The following PRKG2 variants were observed in gnomAD, a reference collection of about 807,000 sequenced individuals.
PRKG2 encodes the protein protein kinase cGMP-dependent 2.
PRKG2 carries 33 observed loss-of-function variants against 97.2 expected under a neutral mutation model. The observed-to-expected ratio is 0.34, with a 90% CI of 0.26 to 0.45. The LOEUF (loss-of-function observed/expected upper bound fraction) is 0.45, where lower values mean the gene tolerates loss of function less well. PRKG2 is among the 20% of genes least tolerant of loss of function. PRKG2 has a pLI of 1.00. For synonymous variants in PRKG2, 330 were observed against 321.8 expected, an observed-to-expected ratio of 1.03 and a Z score of -0.27; for missense variants, 638 against 900.0, an observed-to-expected ratio of 0.71 and a Z score of 3.73.
chr4:81,202,382 C>T (rs955025928), intron 2 of PRKG2, among the ~76,000 whole-genome samples: 3 of 152,030 alleles, frequency 2.0e-5, no homozygotes, highest in Admixed American at 6.6e-5. Flanking sequence ...GGTATCTGTA[C>T]TTTTTGCAAG....
intron 6 of PRKG2, among the ~76,000 whole-genome samples, chr4:81,160,595 T>G (rs2110071608): frequency 6.6e-6 from 1 of 152,292 alleles, no homozygotes; most frequent in South Asian, 2.1e-4. Context: ...AAAAGCAACC[T>G]CTTGGAAGAT....
upstream of PRKG2, among the ~76,000 whole-genome samples, chr4:81,215,566 C>G (rs1754241363): frequency 1.3e-5 from 2 of 151,954 alleles, no homozygotes; most frequent in Non-Finnish European, 2.9e-5. Flanking sequence ...TCCTTCCAGT[C>G]TGTTTTCACT....
intron 1 of PRKG2, among the ~76,000 whole-genome samples, chr4:81,205,554 C>A (rs533474734): frequency 2.0e-5 from 3 of 152,234 alleles, no homozygotes; most frequent in Admixed American, 6.5e-5. Flanking sequence ...TCTCAGAAGA[C>A]GGAAGCAGAG....
intron 2 of PRKG2, among the ~76,000 whole-genome samples, chr4:81,177,992 C>G (rs189556548): frequency 6.6e-6 from 1 of 150,696 alleles, no homozygotes. Context: ...GTTTAAAGCA[C>G]ACCATGAAGT....
chr4:81,131,084 T>G (rs1158805167), intron 14 of PRKG2, among the ~76,000 whole-genome samples: 1 of 152,106 alleles, frequency 6.6e-6, no homozygotes, highest in African/African-American at 2.4e-5. Context: ...GCCACCCAGT[T>G]TTGTGTTTGA....
chr4:81,133,049 T>C (rs993590901), intron 14 of PRKG2, among the ~76,000 whole-genome samples: 3 of 152,072 alleles, frequency 2.0e-5, no homozygotes, highest in East Asian at 3.9e-4. Context: ...GTGTCCTGAG[T>C]TGAGAGTATA....
chr4:81,186,263 A>G (rs902418822), intron 2 of PRKG2, among the ~76,000 whole-genome samples: 7 of 152,190 alleles, frequency 4.6e-5, no homozygotes, highest in Admixed American at 4.6e-4. Flanking sequence ...GGAAATCATA[A>G]AAAACAAACT....
chr4:81,199,764 A>G (rs1286965933), intron 2 of PRKG2, among the ~76,000 whole-genome samples: 1 of 152,216 alleles, frequency 6.6e-6, no homozygotes, highest in Non-Finnish European at 1.5e-5. Flanking sequence ...TTGGAAAGGA[A>G]GCAAATAAAA....
chr4:81,134,929 G>A (rs1003794980), intron 14 of PRKG2, among the ~76,000 whole-genome samples: 4 of 152,094 alleles, frequency 2.6e-5, no homozygotes, highest in Non-Finnish European at 5.9e-5. Flanking sequence ...ATTCTATTAT[G>A]TGAACCTTCA....
chr4:81,216,766 A>G (rs888804799), upstream of PRKG2, among the ~76,000 whole-genome samples: 1 of 151,892 alleles, frequency 6.6e-6, no homozygotes, highest in East Asian at 1.9e-4. Context: ...GCTGCCACTT[A>G]TAAGAGATTC....
intron 2 of PRKG2, among the ~76,000 whole-genome samples, chr4:81,194,400 A>G (rs905937743): frequency 6.7e-6 from 1 of 149,544 alleles, no homozygotes; most frequent in African/African-American, 2.5e-5. Flanking sequence ...TTGAGTGATG[A>G]ACCAAAAAAA....
At chr4:81,169,169 T>G (rs1412227797) in intron 5 of PRKG2, among the ~76,000 whole-genome samples, 1 of 152,080 alleles carries the variant, frequency 6.6e-6, no homozygotes, top group Non-Finnish European at 1.5e-5. Context: ...TATAGTAACA[T>G]TTTTAGCAAG....
At chr4:81,111,779 T>C (rs1278227262) in intron 14 of PRKG2, among the ~76,000 whole-genome samples, 1 of 152,206 alleles carries the variant, frequency 6.6e-6, no homozygotes, top group African/African-American at 2.4e-5. Flanking sequence ...AATCCTTCCC[T>C]GCAAAACACA....
chr4:81,109,058 G>T (rs545642393), intron 15 of PRKG2, among the ~76,000 whole-genome samples: 4 of 152,224 alleles, frequency 2.6e-5, no homozygotes, highest in African/African-American at 9.6e-5. Context: ...ACAAATTTTT[G>T]AAATAGAATT....
upstream of PRKG2, among the ~76,000 whole-genome samples, chr4:81,215,782 G>C (rs937576282): frequency 6.6e-6 from 1 of 151,542 alleles, no homozygotes; most frequent in Non-Finnish European, 1.5e-5. Flanking sequence ...GTTGAATCGA[G>C]TTTCGAGGGA....
intron 2 of PRKG2, among the ~76,000 whole-genome samples, chr4:81,176,991 T>C (rs1750983936): frequency 1.3e-5 from 2 of 152,196 alleles, no homozygotes; most frequent in East Asian, 1.9e-4. Context: ...TTTTTTATTA[T>C]AGATAAGCTG....
Position 81,154,522 on chromosome 4 carries a change from A to ACGGCCGGCC in PRKG2, c.913-802_913-801insGGCCGGCCG, listed in dbSNP as rs564443152. 1.5e-3 allele frequency among the ~76,000 whole-genome samples: 198 copies of ACGGCCGGCC among 136,164 alleles called. 10 individuals carry two copies. Among genetic ancestry groups the ACGGCCGGCC allele is most frequent in the African/African-American group, 6.2e-3 (180 of 29,016 alleles). 89.3% of individuals were successfully genotyped at this position (136,164 alleles called of 152,430 possible). On this transcript the variant is annotated intron_variant, in intron 6 of 18. Coordinates refer to ENST00000264399, the MANE Select transcript of PRKG2 (RefSeq NM_006259.3). ...CAGCAGGGGCACACTGACACCTCAC[A>ACGGCCGGCC]CGGCAGGGTACTCCAACAGACCTGC... is the stretch of plus-strand genomic sequence containing the variant.
chr4:81,152,105 A>G (rs868473129), intron 7 of PRKG2, 51 bp from the exon 8 acceptor site: 1 of 1,362,768 alleles, frequency 7.3e-7, no homozygotes, highest in South Asian at 1.2e-5. Flanking sequence ...AAAAAGGAGA[A>G]TCTGAACACA....
intron 4 of PRKG2, among the ~76,000 whole-genome samples, chr4:81,170,853 G>A (rs185883098): frequency 5.9e-4 from 89 of 152,024 alleles, no homozygotes; most frequent in Middle Eastern, 3.4e-3. Context: ...TCAGAACCTC[G>A]TTGAGACTAG....
Sources: allele counts gnomAD v4.1 joint callset (sites outside exome capture counted in the v4.1 genomes callset), GRCh38; gene constraint gnomAD v4.1.1; transcripts MANE v1.5; gene names NCBI Gene and HGNC (gene_info 2026-07-23, HGNC 2026-07-21).